The following DDX19B variants were observed in gnomAD, a reference collection of about 807,000 sequenced individuals.
The protein encoded by DDX19B is ATP-dependent RNA helicase DDX19B.
DDX19B carries 27 observed loss-of-function variants against 58.1 expected under a neutral mutation model. The ratio of observed to expected loss-of-function variants is 0.46; its 90% CI spans 0.34 to 0.64. DDX19B has a LOEUF of 0.64. DDX19B is among the 30% of genes least tolerant of loss of function. The pLI, the probability that DDX19B is intolerant of heterozygous loss-of-function variation, is 0.01. For missense variants in DDX19B, 399 were observed against 596.5 expected (o/e 0.67, Z 3.45); for synonymous variants, 187 against 214.4 (o/e 0.87, Z 1.12).
chr16:70,300,112 C>T (rs1405291555), intron 1 of DDX19B, among the ~76,000 whole-genome samples: 1 of 151,976 alleles, frequency 6.6e-6, no homozygotes. Flanking sequence ...TTTTTTATAG[C>T]TCATAAAAAA....
chr16:70,291,860 G>A (rs1961068377), upstream of DDX19B, among the ~76,000 whole-genome samples: 1 of 151,490 alleles, frequency 6.6e-6, no homozygotes, highest in South Asian at 2.1e-4. Context: ...CATTAAGAGA[G>A]ATTGTAGGCC....
chr16:70,318,520 G>A (rs1003767479), intron 5 of DDX19B, among the ~76,000 whole-genome samples: 1 of 150,966 alleles, frequency 6.6e-6, no homozygotes, highest in Admixed American at 6.6e-5. Flanking sequence ...TGACCGGGGT[G>A]GTGGCTCATG....
In DDX19B at chr16:70,299,201, G is replaced by T. The variant is rs1961345694; in HGVS notation, c.-97G>T. 1.4e-6 allele frequency: 2 copies of T among 1,425,684 alleles called. No homozygotes were observed. The highest frequency in any genetic ancestry group is 6.1e-5 in the Admixed American group (2 of 32,724). The allele number at this position is 1,425,684 out of a possible 1,614,324, so 88.3% of individuals were successfully genotyped here. On this transcript the variant is annotated 5_prime_UTR_variant, in exon 1 of 12. Transcript: ENST00000288071. ...CTTCCGGTCTGCAGCCTTGTAGTGG[G>T]GCTGGAGCAGAGCCTGCCGCGAACC...
chr16:70,329,234 A>AG, intron 7 of DDX19B, 58 bp from the exon 8 acceptor site: 1 of 1,560,392 alleles, frequency 6.4e-7, no homozygotes, highest in East Asian at 2.3e-5. Flanking sequence ...AAAAAAAAAA[A>AG]AAAAAAAAAG....
At position 70,330,019 on chromosome 16, in the gene DDX19B, G is replaced by A. The variant is rs1963394771; in HGVS notation, c.974G>A (p.Cys325Tyr). The change falls in exon 9 of 12, where the codon TGT becomes TAT. Residue 325 changes from cysteine (C) to tyrosine (Y), a missense_variant. Physicochemically the swap from Cys to Tyr is radical, Grantham distance 194. Transcript: ENST00000288071. ...AGAGACGAGAAGTTCCAGGCCTTGTGTAACCTCTACGGGGCCATCACCATT... is the reference window on the plus strand; with the variant it reads ...AGAGACGAGAAGTTCCAGGCCTTGTATAACCTCTACGGGGCCATCACCATT... ...SSRDEKFQAL[C>Y]NLYGAITIAQ... 1 of 1,614,078 alleles carries A rather than the reference G, an allele frequency of 6.2e-7. No individual in the cohort carries two copies. Among genetic ancestry groups the A allele is most frequent in the South Asian group, 1.1e-5 (1 of 91,086 alleles).
chr16:70,294,953 C>T (rs773199777), upstream of DDX19B: 3 of 1,470,802 alleles, frequency 2.0e-6, no homozygotes, highest in Non-Finnish European at 2.7e-6. Flanking sequence ...AGACCCTTTC[C>T]TCCCACGTTT....
chr16:70,301,146 A>T (rs1333728975), intron 1 of DDX19B, among the ~76,000 whole-genome samples: 1 of 152,018 alleles, frequency 6.6e-6, no homozygotes, highest in African/African-American at 2.4e-5. Flanking sequence ...GATCTCTTGG[A>T]TCCCTTCCTT....
chr16:70,322,034 C>CA (rs879430148), intron 5 of DDX19B, among the ~76,000 whole-genome samples: 145 of 114,100 alleles, frequency 1.3e-3, no homozygotes, highest in South Asian at 2.2e-3. Flanking sequence ...GATTCCGTCT[C>CA]AAAAAAAAAA....
At chr16:70,295,936 C>G (rs929276562), upstream of DDX19B, among the ~76,000 whole-genome samples, 29 of 151,284 alleles carry the variant, frequency 1.9e-4, no homozygotes, top group Non-Finnish European at 1.0e-4. Flanking sequence ...CATACTCAAT[C>G]CACCCCCACC....
upstream of DDX19B, among the ~76,000 whole-genome samples, chr16:70,294,072 A>AT (rs35683856): frequency 7.0e-3 from 444 of 63,144 alleles, 28 homozygotes; most frequent in East Asian, 0.012. Flanking sequence ...GAGAGCCTGA[A>AT]TTTTTTTTTT....
chr16:70,305,181 G>A (rs953506820), intron 1 of DDX19B, among the ~76,000 whole-genome samples: 6 of 152,132 alleles, frequency 3.9e-5, no homozygotes, highest in Admixed American at 3.9e-4. Context: ...AGCATCCTGA[G>A]AACTTTCCTC....
upstream of DDX19B, chr16:70,295,049 G>T (rs1961169750): frequency 7.7e-7 from 1 of 1,299,502 alleles, no homozygotes; most frequent in South Asian, 2.3e-5. Context: ...TTGTGATCTA[G>T]AATCCGCCAT....
chr16:70,306,655 G>A (rs942283722), intron 1 of DDX19B, among the ~76,000 whole-genome samples: 1 of 152,122 alleles, frequency 6.6e-6, no homozygotes, highest in Admixed American at 6.6e-5. Context: ...GTTTTTAGCA[G>A]GCCCAAACTA....
chr16:70,327,316 C>T (rs992698542), intron 7 of DDX19B, among the ~76,000 whole-genome samples: 11 of 151,538 alleles, frequency 7.3e-5, no homozygotes, highest in African/African-American at 1.7e-4. Flanking sequence ...GGGTGGATCA[C>T]GAGGTCAGGA....
chr16:70,315,382 G>C (rs1268201936), intron 3 of DDX19B, among the ~76,000 whole-genome samples: 1 of 135,872 alleles, frequency 7.4e-6, no homozygotes, highest in Admixed American at 7.7e-5. Flanking sequence ...GCGAGACTCT[G>C]TCTCAAAAAA....
At chr16:70,331,910 G>C (rs1299474597) in intron 10 of DDX19B, 26 bp downstream of exon 10, 2 of 1,608,256 alleles carry the variant, frequency 1.2e-6, no homozygotes, top group African/African-American at 2.7e-5. Flanking sequence ...GTCCCACCTG[G>C]TCTGCCAGGC....
intron 5 of DDX19B, among the ~76,000 whole-genome samples, chr16:70,323,073 C>T (rs1361006688): frequency 1.3e-5 from 2 of 151,936 alleles, no homozygotes; most frequent in Non-Finnish European, 2.9e-5. Flanking sequence ...TATCTTTGGC[C>T]TGCTGCGGCT....
upstream of DDX19B, among the ~76,000 whole-genome samples, chr16:70,297,600 C>G (rs1346858021): frequency 6.6e-6 from 1 of 152,138 alleles, no homozygotes. Context: ...AGGAAAATGC[C>G]TAGTTTCTTT....
chr16:70,329,994 A>G lies in DDX19B; in HGVS notation c.949A>G (p.Arg317Gly). ...GCAGTACTATGTCCTGTGCAGCAGC[A>G]GAGACGAGAAGTTCCAGGCCTTGTG... ...IKQYYVLCSS[R>G]DEKFQALCNL... Residue 317 changes from arginine (R) to glycine (G), a missense_variant, in exon 9 of 12, where the codon AGA becomes GGA. This residue lies in a region of DDX19B where 198 missense variants were observed against 345.9 expected (regional missense o/e 0.57). Transcript: ENST00000288071. 6.2e-7 allele frequency: 1 copy of G among 1,614,188 alleles called. No homozygotes were observed. Among genetic ancestry groups the G allele is most frequent in the Non-Finnish European group, 8.5e-7 (1 of 1,180,032 alleles).
Sources: gnomAD v4.1 joint callset for allele counts (sites outside exome capture counted in the v4.1 genomes callset) on GRCh38, gnomAD v4.1.1 for gene constraint, gnomAD v4.1.1 regional missense constraint, MANE v1.5 for transcripts, NCBI Gene and HGNC (gene_info 2026-07-23, HGNC 2026-07-21) for gene names.